Variants in TAOK1 observed in about 807,000 individuals in gnomAD.
TAOK1 encodes TAO kinase 1.
A neutral mutation model predicts 138.3 loss-of-function variants in TAOK1; 21 were observed. The ratio of observed to expected loss-of-function variants is 0.15; its 90% CI spans 0.11 to 0.22. The LOEUF is 0.22. Among genes scored for constraint, TAOK1 ranks in the 10% least tolerant of loss-of-function variants. The pLI, the probability that TAOK1 is intolerant of heterozygous loss-of-function variation, is 1.00. For synonymous variants in TAOK1, 361 were observed against 398.4 expected, an observed-to-expected ratio of 0.91 and a Z score of 1.12; for missense variants, 651 against 1,227.7, an observed-to-expected ratio of 0.53 and a Z score of 7.02.
chr17:29,402,491 G>C lies in TAOK1; in HGVS notation c.-95+11467G>C, dbSNP rs536006836. On this transcript the variant is annotated intron_variant, in intron 1 of 19. Coordinates refer to ENST00000261716, the MANE Select transcript of TAOK1 (RefSeq NM_020791.4). ...CTAATTCTTTTGTATTTTTTGTAGA[G>C]ATTAGGTTTTGTCACATTGCCCAAG... Among the ~76,000 whole-genome samples the C allele has an allele frequency of 1.4e-3, 210 of 152,124 alleles. 1 individual carries two copies. The highest frequency in any genetic ancestry group is 2.3e-3 in the Non-Finnish European group (156 of 68,006).
At chr17:29,397,763 ATG>A (rs572409000) in intron 1 of TAOK1, among the ~76,000 whole-genome samples, 62 of 139,394 alleles carry the variant, frequency 4.4e-4, no homozygotes, top group Non-Finnish European at 8.6e-4. Context: ...GTATGTATAT[ATG>A]TATACATGTA....
intron 19 of TAOK1, among the ~76,000 whole-genome samples, chr17:29,537,596 A>C (rs920915486): frequency 6.6e-6 from 1 of 151,172 alleles, no homozygotes; most frequent in Non-Finnish European, 1.5e-5. Flanking sequence ...GGCTCAAGCA[A>C]TCTGTCCACC....
rs540487247 is a variant in TAOK1 at position 29,545,880 on chromosome 17, C to G, written c.*2858C>G. ...AAAATTAAAACTATGGAAAATTTGT[C>G]TAGCATATCAGAAGTTGTAAATGCT... On this transcript the variant is annotated 3_prime_UTR_variant, in exon 20 of 20. Coordinates refer to ENST00000261716, the MANE Select transcript of TAOK1 (RefSeq NM_020791.4). 16 of 152,228 alleles carry G rather than the reference C, an allele frequency of 1.1e-4. No individual in the cohort carries two copies. The East Asian group carries it at 2.9e-3, about 28-fold the overall frequency. 9.4% of individuals were successfully genotyped at this position (152,228 alleles called of 1,614,324 possible).
At chr17:29,471,249 G>T (rs962712358) in intron 3 of TAOK1, among the ~76,000 whole-genome samples, 3 of 147,964 alleles carry the variant, frequency 2.0e-5, no homozygotes, top group Non-Finnish European at 4.5e-5. Context: ...GACAGTGTAC[G>T]TACCTTAATT....
chr17:29,401,478 A>G (rs7210047), intron 1 of TAOK1, among the ~76,000 whole-genome samples: 94,248 of 151,630 alleles, frequency 0.62, 30,498 homozygotes, highest in East Asian at 0.97. Flanking sequence ...AGTGCTACAA[A>G]CTTTCCACTT....
intron 1 of TAOK1, among the ~76,000 whole-genome samples, chr17:29,436,746 C>T (rs1037744743): frequency 1.3e-5 from 2 of 152,164 alleles, no homozygotes; most frequent in African/African-American, 2.4e-5. Context: ...AATTTTGGAG[C>T]ATACATAAGC....
intron 16 of TAOK1, among the ~76,000 whole-genome samples, chr17:29,519,287 G>T (rs1390224089): frequency 1.3e-5 from 2 of 152,134 alleles, no homozygotes; most frequent in Non-Finnish European, 2.9e-5. Flanking sequence ...AAGGCAGGTG[G>T]ATCACTTGAG....
chr17:29,537,698 G>GAGGAAAAGAAATCCAAATTACAGGAAAAA (rs1012087439), intron 19 of TAOK1, among the ~76,000 whole-genome samples: 1 of 151,438 alleles, frequency 6.6e-6, no homozygotes, highest in African/African-American at 2.4e-5. Context: ...TTAAAACTTT[G>GAGGAAAAGAAATCCAAATTACAGGAAAAA]AGGAAAAGAA....
chr17:29,535,888 TA>T (rs957585969), intron 19 of TAOK1, among the ~76,000 whole-genome samples: 8 of 151,994 alleles, frequency 5.3e-5, no homozygotes, highest in African/African-American at 1.9e-4. Flanking sequence ...AAAAATCACC[TA>T]AATAAGATAT....
intron 1 of TAOK1, among the ~76,000 whole-genome samples, chr17:29,406,551 T>G (rs1904997450): frequency 6.6e-6 from 1 of 152,158 alleles, no homozygotes; most frequent in Non-Finnish European, 1.5e-5. Flanking sequence ...TTTTTGAGAC[T>G]GGATCTCACT....
intron 14 of TAOK1, among the ~76,000 whole-genome samples, chr17:29,508,340 T>A (rs1038589445): frequency 2.0e-5 from 3 of 152,166 alleles, no homozygotes; most frequent in Non-Finnish European, 4.4e-5. Context: ...TCTCACTAAT[T>A]TTGTGTGTGG....
chr17:29,437,273 A>G (rs895085481), intron 1 of TAOK1, among the ~76,000 whole-genome samples: 2 of 151,924 alleles, frequency 1.3e-5, no homozygotes, highest in Non-Finnish European at 2.9e-5. Flanking sequence ...CATGTTGGCC[A>G]GGCTGGTCTC....
chr17:29,518,070 G>A (rs2031849585), intron 16 of TAOK1, among the ~76,000 whole-genome samples: 1 of 152,130 alleles, frequency 6.6e-6, no homozygotes, highest in Non-Finnish European at 1.5e-5. Flanking sequence ...TGGCCAGGCT[G>A]TTCTTGAACT....
At chr17:29,501,423 C>CAA (rs34004946) in intron 12 of TAOK1, among the ~76,000 whole-genome samples, 60 of 109,024 alleles carry the variant, frequency 5.5e-4, no homozygotes, top group African/African-American at 2.3e-3. Context: ...GACCCTGTCT[C>CAA]AAAAAAAAAA....
chr17:29,539,523 G>A (rs1018541263), intron 19 of TAOK1, among the ~76,000 whole-genome samples: 5 of 151,992 alleles, frequency 3.3e-5, no homozygotes, highest in African/African-American at 1.2e-4. Flanking sequence ...AGCAACCTCC[G>A]GCTCCCGGGT....
chr17:29,467,357 T>C (rs1054044907), intron 3 of TAOK1, 141 bp downstream of exon 3: 12 of 354,764 alleles, frequency 3.4e-5, no homozygotes, highest in Non-Finnish European at 5.9e-5. Flanking sequence ...CACTGCAAGC[T>C]CCGCCTCCCA....
chr17:29,457,982 C>T (rs1385892831), intron 2 of TAOK1, among the ~76,000 whole-genome samples: 8 of 151,902 alleles, frequency 5.3e-5, no homozygotes, highest in Admixed American at 1.3e-4. Context: ...TGGTGGCGGA[C>T]GCCTGTAGTC....
At chr17:29,444,132 A>G (rs1371516573) in intron 1 of TAOK1, among the ~76,000 whole-genome samples, 6 of 150,826 alleles carry the variant, frequency 4.0e-5, no homozygotes, top group African/African-American at 1.2e-4. Context: ...AAAAGGCCTG[A>G]TCTATAGTTT....
rs1555555372 is a variant in TAOK1 at position 29,397,684 on chromosome 17, C to CATGTATAT, written c.-95+6661_-95+6668dup. Among the ~76,000 whole-genome samples the CATGTATAT allele has an allele frequency of 1.3e-4, 17 of 128,132 alleles. 1 individual carries two copies. In the South Asian group the frequency reaches 1.9e-3, roughly 14 times the overall value. The allele number at this position is 128,132 out of a possible 152,430, so 84.1% of individuals were successfully genotyped here. ...TGTATGATACATGTATACATGTATA[C>CATGTATAT]ATGTATATTCATGTATGCATACATG... On this transcript the variant is annotated intron_variant, in intron 1 of 19. Transcript: ENST00000261716.
Sources: allele counts gnomAD v4.1 joint callset (sites outside exome capture counted in the v4.1 genomes callset), GRCh38; gene constraint gnomAD v4.1.1; transcripts MANE v1.5; gene names NCBI Gene and HGNC (gene_info 2026-07-23, HGNC 2026-07-21).